Variants in ANKRD11 observed in about 807,000 individuals in gnomAD.
ANKRD11 encodes the protein ankyrin repeat domain 11, also known as ankyrin repeat domain-containing protein 11.
Under a neutral mutation model 195.7 loss-of-function variants are expected in ANKRD11, and 17 were observed. The ratio of observed to expected loss-of-function variants is 0.09; its 90% CI spans 0.06 to 0.13. ANKRD11 has a LOEUF of 0.13. ANKRD11 is among the 10% of genes least tolerant of loss of function. The pLI is 1.00. For synonymous variants in ANKRD11, 1,953 were observed against 1,528.1 expected (o/e 1.28, Z -6.49); for missense variants, 3,735 against 3,566.1 (o/e 1.05, Z -1.21).
At chr16:89,328,914 G>C (rs1402456085) in intron 2 of ANKRD11, 10 of 122,026 alleles carry the variant, frequency 8.2e-5, no homozygotes, top group African/African-American at 3.4e-4. Flanking sequence ...CGAAATCAGT[G>C]GAGGCCCCTG....
At chr16:89,371,522 C>A (rs1245114370) in intron 2 of ANKRD11, among the ~76,000 whole-genome samples, 1 of 152,318 alleles carries the variant, frequency 6.6e-6, no homozygotes, top group Non-Finnish European at 1.5e-5. Flanking sequence ...GCACCACCCA[C>A]AGATGAGTTC....
At chr16:89,324,335 G>C in intron 2 of ANKRD11, 1 of 1,194,102 alleles carries the variant, frequency 8.4e-7, no homozygotes, top group Non-Finnish European at 1.1e-6. Context: ...GGGGCGACGT[G>C]GGTGCCTCAC....
At chr16:89,477,544 A>G (rs1368952409) in intron 1 of ANKRD11, among the ~76,000 whole-genome samples, 1 of 151,822 alleles carries the variant, frequency 6.6e-6, no homozygotes, top group Non-Finnish European at 1.5e-5. Context: ...TTTAGAAGAG[A>G]CAGGGTTTCA....
chr16:89,420,729 C>T (rs2911255), intron 1 of ANKRD11, among the ~76,000 whole-genome samples: 87,406 of 151,906 alleles, frequency 0.58, 25,320 homozygotes, highest in Middle Eastern at 0.72. Context: ...ACAGATTTTT[C>T]TTAAGAGACA....
At chr16:89,382,515 C>T (rs1171634943) in intron 2 of ANKRD11, among the ~76,000 whole-genome samples, 6 of 151,372 alleles carry the variant, frequency 4.0e-5, no homozygotes, top group Non-Finnish European at 7.4e-5. Flanking sequence ...TTAATAGAGA[C>T]GGGATTTCAC....
chr16:89,341,861 C>CGA (rs2038680873), intron 2 of ANKRD11, among the ~76,000 whole-genome samples: 6 of 139,750 alleles, frequency 4.3e-5, no homozygotes, highest in African/African-American at 1.6e-4. Flanking sequence ...CACCTCCACC[C>CGA]ACAGCGGCCA....
In ANKRD11 at chr16:89,414,536, C is replaced by T. The variant is rs151320292; in HGVS notation, c.-60+3748G>A. Among the ~76,000 whole-genome samples the T allele has an allele frequency of 3.9e-3, 600 of 152,346 alleles. 1 individual carries two copies. Among genetic ancestry groups the T allele is most frequent in the Non-Finnish European group, 7.0e-3 (477 of 68,022 alleles). On this transcript the variant is annotated intron_variant, in intron 2 of 12. Coordinates refer to ENST00000301030, the MANE Select transcript of ANKRD11 (RefSeq NM_013275.6). Reference sequence around the variant, plus strand: ...ACAAACTAAAATTGTTTTAAAGCCTCTATTTTCATGCAGTTTTGTTTCTGT... The same window carrying T: ...ACAAACTAAAATTGTTTTAAAGCCTTTATTTTCATGCAGTTTTGTTTCTGT...
intron 2 of ANKRD11, among the ~76,000 whole-genome samples, chr16:89,372,407 G>C (rs1344173063): frequency 6.6e-6 from 1 of 152,154 alleles, no homozygotes; most frequent in Non-Finnish European, 1.5e-5. Flanking sequence ...AGCACGGACG[G>C]GGTCGACAAG....
intron 2 of ANKRD11, 141 bp from the exon 3 acceptor site, chr16:89,317,219 G>T: frequency 1.5e-6 from 1 of 687,038 alleles, no homozygotes; most frequent in Non-Finnish European, 2.6e-6. Flanking sequence ...GCCAGGCCCA[G>T]GAAGGGACTT....
intron 1 of ANKRD11, among the ~76,000 whole-genome samples, chr16:89,430,457 T>C (rs905259096): frequency 6.7e-6 from 1 of 150,240 alleles, no homozygotes; most frequent in African/African-American, 2.5e-5. Context: ...CGCTCAGTCG[T>C]TCTAGTACAC....
Position 89,285,219 on chromosome 16 carries a change from C to G in ANKRD11, c.1323G>C (p.Glu441Asp). ...HTILPGSKTR[E>D]PSNAKQQKEK... ...CCTTCTGCTGCTTGGCATTAGAAGGCTCTCGTGTCTTACTACCAGGCAATA... is the reference window on the plus strand; with the variant it reads ...CCTTCTGCTGCTTGGCATTAGAAGGGTCTCGTGTCTTACTACCAGGCAATA... The change falls in exon 9 of 13, where the codon GAG becomes GAC. Residue 441 changes from glutamate to aspartate, a missense_variant. Coordinates refer to ENST00000301030, the MANE Select transcript of ANKRD11 (RefSeq NM_013275.6). The surrounding 1 kb of genome is among the most constrained non-coding windows in gnomAD (Gnocchi z 5.6). 1 of 1,613,794 alleles carries G rather than the reference C, an allele frequency of 6.2e-7. No individual in the cohort carries two copies. The highest frequency in any genetic ancestry group is 8.5e-7 in the Non-Finnish European group (1 of 1,180,030).
At chr16:89,338,944 A>T (rs1333878861) in intron 2 of ANKRD11, among the ~76,000 whole-genome samples, 1 of 152,138 alleles carries the variant, frequency 6.6e-6, no homozygotes, top group Non-Finnish European at 1.5e-5. Flanking sequence ...TTAAACCCAT[A>T]ATGAAAGCAC....
At chr16:89,344,198 G>A (rs983390133) in intron 2 of ANKRD11, among the ~76,000 whole-genome samples, 2 of 152,164 alleles carry the variant, frequency 1.3e-5, no homozygotes, top group African/African-American at 4.8e-5. Context: ...CAGCCCCTAA[G>A]TCATCACTAG....
chr16:89,381,652 TGC>T (rs1217010619), intron 2 of ANKRD11, among the ~76,000 whole-genome samples: 2 of 152,170 alleles, frequency 1.3e-5, no homozygotes, highest in Non-Finnish European at 2.9e-5. Context: ...CTGTCACAAA[TGC>T]GCATCACAGA....
chr16:89,362,649 C>T (rs1484632616), intron 2 of ANKRD11, among the ~76,000 whole-genome samples: 1 of 152,232 alleles, frequency 6.6e-6, no homozygotes, highest in Non-Finnish European at 1.5e-5. Context: ...CCTGTGCTGA[C>T]ATTCCTAAAT....
chr16:89,432,885 C>T (rs898804328), intron 1 of ANKRD11, among the ~76,000 whole-genome samples: 2 of 150,726 alleles, frequency 1.3e-5, no homozygotes, highest in South Asian at 2.1e-4. Flanking sequence ...CCTGTGAGGT[C>T]GAGGCTGCAG....
At chr16:89,426,312 G>A (rs2042712467) in intron 1 of ANKRD11, among the ~76,000 whole-genome samples, 1 of 152,134 alleles carries the variant, frequency 6.6e-6, no homozygotes, top group Non-Finnish European at 1.5e-5. Flanking sequence ...AGCCAACAGT[G>A]AAAACAGCCC....
intron 2 of ANKRD11, among the ~76,000 whole-genome samples, chr16:89,384,032 C>T (rs2152111500): frequency 6.6e-6 from 1 of 152,248 alleles, no homozygotes. Context: ...CCAGCCTGGC[C>T]AACATGGCAA....
intron 2 of ANKRD11, among the ~76,000 whole-genome samples, chr16:89,327,750 T>G (rs1478696812): frequency 1.3e-5 from 2 of 152,154 alleles, no homozygotes; most frequent in Non-Finnish European, 2.9e-5. Context: ...AATAAATGCT[T>G]AGGTTCATAT....
Sources: allele counts gnomAD v4.1 joint callset (sites outside exome capture counted in the v4.1 genomes callset), GRCh38; gene constraint gnomAD v4.1.1; non-coding constraint Gnocchi (gnomAD v3.1); transcripts MANE v1.5; gene names NCBI Gene and HGNC (gene_info 2026-07-23, HGNC 2026-07-21).